ABTB3: variants seen among roughly 807,000 people sequenced by gnomAD.
ABTB3 encodes the protein ankyrin repeat and BTB domain containing 3.
the ABTB3 span, among the ~76,000 whole-genome samples, chr12:107,414,040 G>A: frequency 2.0e-5 from 3 of 152,190 alleles, no homozygotes; most frequent in African/African-American, 7.2e-5. Context: ...AAGGTCATAC[G>A]AAGTATGGAA....
At chr12:107,422,026 G>A in the ABTB3 span, among the ~76,000 whole-genome samples, 2 of 152,262 alleles carry the variant, frequency 1.3e-5, no homozygotes, top group Non-Finnish European at 2.9e-5. Context: ...AATATATAAT[G>A]TAATGTCAGG....
chr12:107,354,248 C>T, the ABTB3 span, among the ~76,000 whole-genome samples: 1 of 152,026 alleles, frequency 6.6e-6, no homozygotes, highest in East Asian at 1.9e-4. Flanking sequence ...ATTCACATAC[C>T]ATACAGTTCA....
At chr12:107,527,859 G>A in the ABTB3 span, among the ~76,000 whole-genome samples, 1 of 152,040 alleles carries the variant, frequency 6.6e-6, no homozygotes, top group Non-Finnish European at 1.5e-5. Flanking sequence ...TCAATCGGAC[G>A]AGTTAAGCAG....
the ABTB3 span, among the ~76,000 whole-genome samples, chr12:107,545,727 C>T: frequency 6.6e-6 from 1 of 152,200 alleles, no homozygotes; most frequent in South Asian, 2.1e-4. Context: ...GGTAAAATGC[C>T]CATGGCCAAA....
chr12:107,381,653 C>G, the ABTB3 span, among the ~76,000 whole-genome samples: 8 of 152,298 alleles, frequency 5.3e-5, no homozygotes, highest in South Asian at 1.0e-3. Context: ...TCCACATTGT[C>G]TTCAGGAGTT....
At chr12:107,608,460 C>T in the ABTB3 span, among the ~76,000 whole-genome samples, 2 of 152,184 alleles carry the variant, frequency 1.3e-5, no homozygotes, top group African/African-American at 4.8e-5. Context: ...GTTTATGCCC[C>T]AGAAACAGTG....
At chr12:107,635,520 C>T in the ABTB3 span, 13 of 649,306 alleles carry the variant, frequency 2.0e-5, no homozygotes, top group Admixed American at 1.9e-4. Flanking sequence ...GGAGTCAGGC[C>T]GGGGGAGATC....
the ABTB3 span, among the ~76,000 whole-genome samples, chr12:107,647,183 A>G: frequency 1.3e-5 from 2 of 152,106 alleles, no homozygotes; most frequent in Non-Finnish European, 2.9e-5. Flanking sequence ...TACAAAAATT[A>G]GCCAGGTGTG....
At chr12:107,644,975 T>C in the ABTB3 span, among the ~76,000 whole-genome samples, 747 of 111,848 alleles carry the variant, frequency 6.7e-3, 9 homozygotes, top group African/African-American at 0.02. Flanking sequence ...AAATTCACTT[T>C]TTTTTTTTTT....
the ABTB3 span, among the ~76,000 whole-genome samples, chr12:107,348,816 G>C: frequency 5.9e-5 from 9 of 152,054 alleles, no homozygotes; most frequent in East Asian, 1.2e-3. Context: ...AGGTAGTACT[G>C]AGTGATAAGG....
chr12:107,520,456 C>T, the ABTB3 span: 1 of 1,605,016 alleles, frequency 6.2e-7, no homozygotes, highest in Admixed American at 1.7e-5. Context: ...ATCTGTTTTC[C>T]TTTCATTCTC....
chr12:107,469,592 G>A, the ABTB3 span, among the ~76,000 whole-genome samples: 2 of 152,170 alleles, frequency 1.3e-5, no homozygotes, highest in Non-Finnish European at 2.9e-5. Context: ...TGTTCTCAAA[G>A]AAGCCCTCAA....
the ABTB3 span, among the ~76,000 whole-genome samples, chr12:107,531,035 G>T: frequency 6.6e-6 from 1 of 152,244 alleles, no homozygotes; most frequent in South Asian, 2.1e-4. Flanking sequence ...ACAGACCTAG[G>T]TTGGAATCTT....
chr12:107,366,357 C>T, the ABTB3 span, among the ~76,000 whole-genome samples: 2 of 152,142 alleles, frequency 1.3e-5, no homozygotes, highest in Non-Finnish European at 2.9e-5. Flanking sequence ...GAATAGAAGA[C>T]TGAACATGTT....
At chr12:107,366,640 G>C in the ABTB3 span, among the ~76,000 whole-genome samples, 1 of 152,138 alleles carries the variant, frequency 6.6e-6, no homozygotes, top group Non-Finnish European at 1.5e-5. Context: ...GTGAAGCACG[G>C]TTTTTCTTCA....
the ABTB3 span, among the ~76,000 whole-genome samples, chr12:107,638,445 A>G: frequency 6.6e-6 from 1 of 152,156 alleles, no homozygotes; most frequent in Non-Finnish European, 1.5e-5. Context: ...CCTGCCCTCA[A>G]TAGTTTAGGA....
chr12:107,614,940 C>A, the ABTB3 span: 1 of 760,468 alleles, frequency 1.3e-6, no homozygotes, highest in Non-Finnish European at 2.2e-6. Context: ...CTTCCCGAGG[C>A]ATCTTCCAGG....
At chr12:107,591,842 T>C in the ABTB3 span, among the ~76,000 whole-genome samples, 3 of 152,222 alleles carry the variant, frequency 2.0e-5, no homozygotes, top group Non-Finnish European at 2.9e-5. Flanking sequence ...CCTTTTCTTC[T>C]TCACATCTGA....
At chr12:107,458,105 A>C in the ABTB3 span, among the ~76,000 whole-genome samples, 1 of 152,140 alleles carries the variant, frequency 6.6e-6, no homozygotes, top group South Asian at 2.1e-4. Context: ...CTTTCTCCTC[A>C]TCCTCATCAT....
Sources: allele counts gnomAD v4.1 joint callset (sites outside exome capture counted in the v4.1 genomes callset), GRCh38; gene constraint gnomAD v4.1.1; transcripts MANE v1.5; gene names NCBI Gene and HGNC (gene_info 2026-07-23, HGNC 2026-07-21).